The following WNT2 variants were observed in gnomAD, a reference collection of about 807,000 sequenced individuals.
The protein encoded by WNT2 is protein Wnt-2.
A neutral mutation model predicts 36.9 loss-of-function variants in WNT2; 12 were observed. That is an observed-to-expected ratio of 0.33 (90% CI 0.21 to 0.53). WNT2 has a LOEUF of 0.53. Ranked by LOEUF, WNT2 falls within the 20% of genes least tolerant of loss-of-function variation. The pLI is 0.95. For synonymous variants in WNT2, 163 were observed against 174.6 expected (o/e 0.93, Z 0.52); for missense variants, 379 against 473.1 (o/e 0.80, Z 1.84).
At chr7:117,319,525 G>C (rs374475546) in intron 2 of WNT2, among the ~76,000 whole-genome samples, 24,208 of 147,798 alleles carry the variant, frequency 0.16, 2,168 homozygotes, top group Non-Finnish European at 0.19. Context: ...TAGGAATTGG[G>C]GGGGGGGGTA....
intron 3 of WNT2, among the ~76,000 whole-genome samples, chr7:117,306,572 G>A (rs1196677272): frequency 2.6e-5 from 4 of 152,150 alleles, no homozygotes; most frequent in Non-Finnish European, 5.9e-5. Flanking sequence ...AAAGTCTCTT[G>A]TTCTACTTCC....
intron 3 of WNT2, among the ~76,000 whole-genome samples, chr7:117,311,320 C>T (rs924349499): frequency 1.8e-4 from 28 of 152,276 alleles, no homozygotes; most frequent in Non-Finnish European, 2.6e-4. Context: ...GTTTTTCCCC[C>T]GTACATATAG....
Position 117,279,474 on chromosome 7 carries a change from T to C in WNT2, c.854-1090A>G, listed in dbSNP as rs61645298. Among the ~76,000 whole-genome samples, 546 of 152,346 alleles carry C rather than the reference T, an allele frequency of 3.6e-3. 6 individuals carry two copies. The highest frequency in any genetic ancestry group is 0.013 in the African/African-American group (528 of 41,584). ...TAAATTCTCTGTTGATTTGTGATTT[T>C]GACACAGATGATCACTATTGCCACT... On this transcript the variant is annotated intron_variant, in intron 4 of 4. Coordinates refer to ENST00000265441, the MANE Select transcript of WNT2 (RefSeq NM_003391.3).
intron 3 of WNT2, among the ~76,000 whole-genome samples, chr7:117,301,201 C>G (rs1013068188): frequency 6.6e-6 from 1 of 152,148 alleles, no homozygotes; most frequent in South Asian, 2.1e-4. Flanking sequence ...GGCTTGCTCA[C>G]GTCTCCAGCA....
chr7:117,322,827 C>T lies in WNT2; in HGVS notation c.83+80G>A, dbSNP rs1015788806. 1 of 1,461,612 alleles carries T rather than the reference C, an allele frequency of 6.8e-7. No homozygotes were observed. The highest frequency in any genetic ancestry group is 9.5e-7 in the Non-Finnish European group (1 of 1,049,098). 90.5% of individuals were successfully genotyped at this position (1,461,612 alleles called of 1,614,324 possible). A position where few individuals can be genotyped will look rare whatever the true frequency, so the allele number is the denominator to read the frequency against. ...AGACTGCTGCGGCCGCGGGGGAACG[C>T]AGCCAGGAAGGGTCTATGTGGCCAA... On this transcript the variant is annotated intron_variant, in intron 1 of 4. Transcript: ENST00000265441. This position sits in a 1 kb window ranked among gnomAD's most constrained non-coding sequence, Gnocchi z 5.4.
At chr7:117,291,996 C>T (rs557657128) in intron 4 of WNT2, among the ~76,000 whole-genome samples, 12 of 150,088 alleles carry the variant, frequency 8.0e-5, no homozygotes, top group African/African-American at 3.0e-4. Flanking sequence ...AGGCTGGTCT[C>T]GAACTCCCAA....
At chr7:117,294,593 TAAAAA>T (rs5886850) in intron 4 of WNT2, among the ~76,000 whole-genome samples, 3 of 128,412 alleles carry the variant, frequency 2.3e-5, no homozygotes, top group Admixed American at 1.5e-4. Flanking sequence ...AACTGGCAAC[TAAAAA>T]AAAAAAAAAA....
chr7:117,295,302 T>C (rs1794768979), intron 4 of WNT2, among the ~76,000 whole-genome samples: 3 of 152,224 alleles, frequency 2.0e-5, no homozygotes, highest in African/African-American at 7.2e-5. Context: ...ATAGACTTTC[T>C]GTGAGAGTCA....
Position 117,320,802 on chromosome 7 carries a change from G to A in WNT2, c.84-9C>T, listed in dbSNP as rs369024289. ...CTGTAGCTCTCATGTACCTATAAGGGACCAACCAACACAGAGGTGAGGGCA... is the reference window on the plus strand; with the variant it reads ...CTGTAGCTCTCATGTACCTATAAGGAACCAACCAACACAGAGGTGAGGGCA... On this transcript the variant is annotated splice_polypyrimidine_tract_variant and intron_variant, in intron 1 of 4. Transcript: ENST00000265441. The A allele has an allele frequency of 1.3e-4, 202 of 1,602,770 alleles. No individual in the cohort carries two copies. The highest frequency in any genetic ancestry group is 1.6e-4 in the Non-Finnish European group (191 of 1,176,522).
chr7:117,290,482 G>A (rs1298008661), intron 4 of WNT2, among the ~76,000 whole-genome samples: 1 of 152,154 alleles, frequency 6.6e-6, no homozygotes, highest in Non-Finnish European at 1.5e-5. Flanking sequence ...CATGAAAATG[G>A]TGACTTATAA....
At position 117,275,517 on chromosome 7, in the gene WNT2, A is replaced by C. The variant is rs1049477791; in HGVS notation, c.*2638T>G. On this transcript the variant is annotated 3_prime_UTR_variant, in exon 5 of 5. Coordinates refer to ENST00000265441, the MANE Select transcript of WNT2 (RefSeq NM_003391.3). ...AATGGACATTATCTTGGACCTAGAA[A>C]ACTTCAATTTATAGTAAGATTTTAA... is the stretch of plus-strand genomic sequence containing the variant. 8.5e-5 allele frequency among the ~76,000 whole-genome samples: 13 copies of C among 152,200 alleles called. No homozygotes were observed. The highest frequency in any genetic ancestry group is 1.9e-4 in the Non-Finnish European group (13 of 68,034).
At chr7:117,307,115 G>A (rs1405246865) in intron 3 of WNT2, among the ~76,000 whole-genome samples, 2 of 151,716 alleles carry the variant, frequency 1.3e-5, no homozygotes, top group South Asian at 2.1e-4. Flanking sequence ...TATACCAGAC[G>A]CAGAAGTCTG....
chr7:117,313,179 G>A (rs1004752116), intron 3 of WNT2, among the ~76,000 whole-genome samples: 1 of 152,188 alleles, frequency 6.6e-6, no homozygotes, highest in African/African-American at 2.4e-5. Context: ...TAGTACAAAG[G>A]GGGAGTAGAG....
chr7:117,283,829 T>C lies in WNT2; in HGVS notation c.854-5445A>G, dbSNP rs539194260. On this transcript the variant is annotated intron_variant, in intron 4 of 4. Transcript: ENST00000265441. ...GGAAAACACAATCTGAACATGCCAC[T>C]CTCCACCGGCTGCCCAAACGGCATA... 1.8e-3 allele frequency among the ~76,000 whole-genome samples: 267 copies of C among 152,290 alleles called. 1 individual carries two copies. Among genetic ancestry groups the C allele is most frequent in the Admixed American group, 8.0e-3 (123 of 15,300 alleles).
At chr7:117,295,260 C>T (rs910098308) in intron 4 of WNT2, among the ~76,000 whole-genome samples, 5 of 152,178 alleles carry the variant, frequency 3.3e-5, no homozygotes, top group Admixed American at 2.6e-4. Flanking sequence ...TCAGTGTCCT[C>T]CCATAAAATG....
intron 3 of WNT2, among the ~76,000 whole-genome samples, chr7:117,304,894 C>G (rs544825972): frequency 1.3e-5 from 2 of 152,270 alleles, no homozygotes; most frequent in Admixed American, 6.5e-5. Context: ...CTTTCCACCC[C>G]CTTACTCATG....
At chr7:117,280,937 C>T (rs920297647) in intron 4 of WNT2, among the ~76,000 whole-genome samples, 5 of 152,186 alleles carry the variant, frequency 3.3e-5, no homozygotes, top group African/African-American at 1.2e-4. Context: ...CCCTCAGGAG[C>T]TTATGTTCTA....
intron 4 of WNT2, among the ~76,000 whole-genome samples, chr7:117,285,060 G>A (rs553945864): frequency 2.0e-4 from 30 of 152,310 alleles, no homozygotes; most frequent in South Asian, 4.1e-4. Context: ...CGTCTTTCCC[G>A]TACTCTCTTC....
chr7:117,285,800 GGAAA>G (rs1419076525), intron 4 of WNT2, among the ~76,000 whole-genome samples: 2 of 152,164 alleles, frequency 1.3e-5, no homozygotes, highest in Non-Finnish European at 2.9e-5. Context: ...TCACCTAAGA[GGAAA>G]GTGACAAGTT....
Sources: gnomAD v4.1 joint callset for allele counts (sites outside exome capture counted in the v4.1 genomes callset) on GRCh38, gnomAD v4.1.1 for gene constraint, Gnocchi (gnomAD v3.1) non-coding constraint, MANE v1.5 for transcripts, NCBI Gene and HGNC (gene_info 2026-07-23, HGNC 2026-07-21) for gene names.